Variants in ZNF233 observed in about 807,000 individuals in gnomAD.
The protein encoded by ZNF233 is zinc finger protein 233.
Under a neutral mutation model 11.6 loss-of-function variants are expected in ZNF233, and 7 were observed. That is an observed-to-expected ratio of 0.60 (90% CI 0.34 to 1.13). ZNF233 has a LOEUF of 1.13. Among genes scored for constraint, ZNF233 ranks in the 50% most tolerant of loss-of-function variants. The probability of loss-of-function intolerance (pLI) is 0.03; values close to 1 mark genes in which losing one functional copy is unlikely to be tolerated. For missense variants in ZNF233, 711 were observed against 785.5 expected (o/e 0.91, Z 1.13); for synonymous variants, 226 against 268.5 (o/e 0.84, Z 1.55).
intron 4 of ZNF233, among the ~76,000 whole-genome samples, chr19:44,270,549 A>G (rs1975210446): frequency 6.6e-6 from 1 of 152,018 alleles, no homozygotes; most frequent in South Asian, 2.1e-4. Context: ...TTAGCACCTT[A>G]AAACAATGAA....
At chr19:44,272,168 C>CA (rs546689269) in intron 4 of ZNF233, among the ~76,000 whole-genome samples, 84 of 149,054 alleles carry the variant, frequency 5.6e-4, no homozygotes, top group African/African-American at 1.9e-3. Flanking sequence ...GTGGAGGTTT[C>CA]AGTAAGCCAA....
At chr19:44,268,995 T>C (rs950863043) in intron 4 of ZNF233, among the ~76,000 whole-genome samples, 3 of 152,138 alleles carry the variant, frequency 2.0e-5, no homozygotes, top group African/African-American at 7.2e-5. Flanking sequence ...AGGCCCTGGA[T>C]TTTGTAAGTA....
At chr19:44,271,785 C>T (rs1429006307) in intron 4 of ZNF233, among the ~76,000 whole-genome samples, 1 of 151,578 alleles carries the variant, frequency 6.6e-6, no homozygotes, top group African/African-American at 2.4e-5. Context: ...GCTAGGATTA[C>T]AGGTGAGAGC....
intron 4 of ZNF233, among the ~76,000 whole-genome samples, chr19:44,270,852 A>C (rs1043821456): frequency 2.6e-5 from 4 of 152,176 alleles, no homozygotes; most frequent in African/African-American, 9.7e-5. Flanking sequence ...GGAAGATAGA[A>C]GCCACAGTGT....
intron 1 of ZNF233, among the ~76,000 whole-genome samples, chr19:44,263,613 T>C (rs1974992260): frequency 6.6e-6 from 1 of 152,234 alleles, no homozygotes; most frequent in African/African-American, 2.4e-5. Flanking sequence ...CATAAGTATT[T>C]ATACCTTTTA....
chr19:44,269,360 A>G (rs4802217), intron 4 of ZNF233, among the ~76,000 whole-genome samples: 58,181 of 151,244 alleles, frequency 0.38, 13,097 homozygotes, highest in South Asian at 0.56. Context: ...CAGTGGCGCA[A>G]TCTTGGCTGG....
In ZNF233 at chr19:44,273,431, G is replaced by T. The variant is rs749497072; in HGVS notation, c.771G>T (p.Glu257Asp). The change falls in exon 5 of 5, where the codon GAG (glutamate) becomes GAT (aspartate). Residue 257 changes from glutamate (E) to aspartate (D), a missense_variant. Glu to Asp is a conservative substitution (Grantham distance 45). Coordinates refer to ENST00000683810, the MANE Select transcript of ZNF233 (RefSeq NM_001207005.2). ...SSQHSIIQSG[E>D]QTSDENGKGL... ...AGCATAGCATAATCCAATCAGGAGA[G>T]CAAACCTCTGATGAAAATGGAAAAG... The T allele has an allele frequency of 1.2e-6, 2 of 1,614,196 alleles. No individual in the cohort carries two copies. The highest frequency in any genetic ancestry group is 1.7e-6 in the Non-Finnish European group (2 of 1,180,046).
chr19:44,273,410 T>A lies in ZNF233; in HGVS notation c.750T>A (p.His250Gln), dbSNP rs199774855. The change falls in exon 5 of 5, where the codon CAT (histidine) becomes CAA (glutamine). Residue 250 changes from histidine to glutamine, a missense_variant. By Grantham distance (24) the His-to-Gln change is conservative (BLOSUM62 0). Transcript: ENST00000683810. ...GKDCVKESSQHSIIQSGEQTS... is the reference protein window; with the variant it reads ...GKDCVKESSQQSIIQSGEQTS... ...ACTGTGTGAAGGAATCATCCCAGCA[T>A]AGCATAATCCAATCAGGAGAGCAAA... is the stretch of plus-strand genomic sequence containing the variant. 1 of 1,614,194 alleles carries A rather than the reference T, an allele frequency of 6.2e-7. No homozygotes were observed.
At position 44,274,640 on chromosome 19, in the gene ZNF233, T is replaced by A. The variant is rs1359728703; in HGVS notation, c.1980T>A (p.Ser660Arg). ...TGTGTGGTAAGGGCTTTAGTAAGAGTTCGTTGTCTTCAGATTCATCAGAGA... is the reference window on the plus strand; with the variant it reads ...TGTGTGGTAAGGGCTTTAGTAAGAGATCGTTGTCTTCAGATTCATCAGAGA... ...CFVCGKGFSKSSLSSDSSESP is the reference protein window; with the variant it reads ...CFVCGKGFSKRSLSSDSSESP Residue 660 changes from serine to arginine, a missense_variant, in exon 5 of 5, where the codon AGT becomes AGA. Ser to Arg is a moderately radical substitution (Grantham distance 110). Coordinates refer to ENST00000683810, the MANE Select transcript of ZNF233 (RefSeq NM_001207005.2). 5.7e-6 allele frequency: 9 copies of A among 1,571,818 alleles called. No individual in the cohort carries two copies. Among genetic ancestry groups the A allele is most frequent in the Non-Finnish European group, 7.7e-6 (9 of 1,167,792 alleles).
At chr19:44,271,314 CTCTT>C (rs1287120195) in intron 4 of ZNF233, among the ~76,000 whole-genome samples, 7 of 152,144 alleles carry the variant, frequency 4.6e-5, no homozygotes, top group Non-Finnish European at 7.4e-5. Flanking sequence ...AGGATGTCCC[CTCTT>C]TCTTTCTTTG....
chr19:44,261,321 G>A (rs191967754), intron 1 of ZNF233, among the ~76,000 whole-genome samples: 22 of 152,174 alleles, frequency 1.4e-4, no homozygotes, highest in Non-Finnish European at 1.0e-4. Context: ...CCAGCTACTT[G>A]GGAGGCTGAG....
chr19:44,266,221 G>C lies in ZNF233; in HGVS notation c.39G>C (p.Val13=). 6.2e-7 allele frequency: 1 copy of C among 1,611,670 alleles called. No individual in the cohort carries two copies. The highest frequency in any genetic ancestry group is 8.5e-7 in the Non-Finnish European group (1 of 1,178,640). Residue 13 remains valine (V), a synonymous_variant, in exon 3 of 5, where the codon GTG becomes GTC. Coordinates refer to ENST00000683810, the MANE Select transcript of ZNF233 (RefSeq NM_001207005.2). ...AGGAGATGGTGACATTCAAGGATGT[G>C]GCTGTGGTCTTCACCAGGGAGGAGC... ...KFQEMVTFKD[V]AVVFTREELG... is the part of the protein sequence containing the mutation.
intron 4 of ZNF233, among the ~76,000 whole-genome samples, chr19:44,270,097 G>A (rs772268156): frequency 1.3e-5 from 2 of 152,114 alleles, no homozygotes; most frequent in Non-Finnish European, 2.9e-5. Flanking sequence ...GAATAAAGAG[G>A]TGTCACTAAA....
Position 44,273,840 on chromosome 19 carries a change from G to GGA in ZNF233, c.1188_1189dup (p.Ala397GlufsTer35), listed in dbSNP as rs747406986. 6.2e-7 allele frequency: 1 copy of GGA among 1,614,162 alleles called. No individual in the cohort carries two copies. The highest frequency in any genetic ancestry group is 8.5e-7 in the Non-Finnish European group (1 of 1,180,032). On this transcript the variant is annotated frameshift_variant, in exon 5 of 5. Transcript: ENST00000683810. LOFTEE classifies it low-confidence loss of function (END_TRUNC). ...TGACATTCACTGTGTAGACAGTGCT[G>GGA]GAGAGAGAGCCTGTAAATGTGATGT...
intron 2 of ZNF233, 115 bp from the exon 3 acceptor site, chr19:44,266,083 G>A: frequency 2.6e-6 from 3 of 1,169,444 alleles, no homozygotes; most frequent in Non-Finnish European, 2.3e-6. Context: ...AAGTTCATTC[G>A]AGGCCCTCAC....
intron 4 of ZNF233, among the ~76,000 whole-genome samples, chr19:44,270,633 C>T (rs1328274609): frequency 1.3e-5 from 2 of 152,130 alleles, no homozygotes; most frequent in East Asian, 1.9e-4. Flanking sequence ...GTTCTCACTC[C>T]GGATCTCAAA....
Position 44,266,994 on chromosome 19 carries a change from G to T in ZNF233, c.238+33G>T, listed in dbSNP as rs751815623. 3 of 1,545,010 alleles carry T rather than the reference G, an allele frequency of 1.9e-6. No individual in the cohort carries two copies. In the Admixed American group the frequency reaches 5.1e-5, roughly 26 times the overall value. On this transcript the variant is annotated intron_variant, in intron 4 of 4. Transcript: ENST00000683810. ...CCATGGAGCTCTGAGTCTTTGCGGG[G>T]TACAGCCTAGTCCTCTCCTCCTCAC...
intron 2 of ZNF233, 94 bp from the exon 3 acceptor site, chr19:44,266,104 G>A (rs182288618): frequency 1.6e-4 from 211 of 1,355,124 alleles, no homozygotes; most frequent in Admixed American, 4.1e-4. Flanking sequence ...AATCCAGAAC[G>A]TCTTCCTGCC....
Position 44,273,242 on chromosome 19 carries a change from T to A in ZNF233, c.582T>A (p.Tyr194Ter), listed in dbSNP as rs148348903. ...RKMYLREPQNYQSRCQQIDVK... is the reference protein window; with the variant it reads ...RKMYLREPQN ...TGTATCTGAGAGAACCACAGAATTA[T>A]CAGAGTAGGTGTCAGCAAATTGATG... The change falls in exon 5 of 5, where the codon TAT becomes TAA. Residue 194 changes from tyrosine to a stop codon, truncating the protein, a stop_gained. Coordinates refer to ENST00000683810, the MANE Select transcript of ZNF233 (RefSeq NM_001207005.2). LOFTEE classifies it low-confidence loss of function (END_TRUNC). 873 of 1,613,906 alleles carry A rather than the reference T, an allele frequency of 5.4e-4. 5 individuals carry two copies. The African/African-American group carries it at 0.011, about 20-fold the overall frequency.
Sources: gnomAD v4.1 joint callset for allele counts (sites outside exome capture counted in the v4.1 genomes callset) on GRCh38, gnomAD v4.1.1 for gene constraint, MANE v1.5 for transcripts, NCBI Gene and HGNC (gene_info 2026-07-23, HGNC 2026-07-21) for gene names.